PHTF2: variants seen among roughly 807,000 people sequenced by gnomAD.
The protein encoded by PHTF2 is protein PHTF2.
Under a neutral mutation model 101.2 loss-of-function variants are expected in PHTF2, and 60 were observed. The observed-to-expected ratio is 0.59, with a 90% CI of 0.48 to 0.73. PHTF2 has a LOEUF of 0.73. Ranked by LOEUF, PHTF2 falls within the 30% of genes least tolerant of loss-of-function variation. The pLI is 0.00. For missense variants in PHTF2, 747 were observed against 908.7 expected (o/e 0.82, Z 2.29); for synonymous variants, 311 against 307.3 (o/e 1.01, Z -0.13).
At chr7:77,890,530 G>A (rs2150786646) in intron 3 of PHTF2, among the ~76,000 whole-genome samples, 1 of 151,532 alleles carries the variant, frequency 6.6e-6, no homozygotes, top group East Asian at 1.9e-4. Flanking sequence ...AAAACATATT[G>A]GTGCCTATTC....
At chr7:77,908,447 CAAAG>C (rs1336669658) in intron 7 of PHTF2, among the ~76,000 whole-genome samples, 5 of 152,110 alleles carry the variant, frequency 3.3e-5, no homozygotes, top group East Asian at 3.8e-4. Flanking sequence ...ATTTGTAAAA[CAAAG>C]AAATAATGTA....
chr7:77,805,883 T>C (rs921152037), intron 1 of PHTF2, among the ~76,000 whole-genome samples: 2 of 152,178 alleles, frequency 1.3e-5, no homozygotes, highest in African/African-American at 4.8e-5. Flanking sequence ...AATTTATAAA[T>C]GTCAAACAAG....
chr7:77,954,790 TTATATGA>T, intron 19 of PHTF2, 61 bp from the exon 19 acceptor site: 1 of 830,922 alleles, frequency 1.2e-6, no homozygotes, highest in Non-Finnish European at 2.0e-6. Context: ...AAAAATGGTG[TTATATGA>T]TATAATTTAA....
At chr7:77,906,478 T>A (rs1402685449) in intron 7 of PHTF2, 1 of 152,154 alleles carries the variant, frequency 6.6e-6, no homozygotes, top group Non-Finnish European at 1.5e-5. Context: ...TTCTAATGCC[T>A]TGTCGTCAGA....
At chr7:77,953,725 A>G in intron 18 of PHTF2, 44 bp from the exon 18 acceptor site, 1 of 1,575,454 alleles carries the variant, frequency 6.3e-7, no homozygotes, top group Non-Finnish European at 8.6e-7. Context: ...TAGCTTAGTA[A>G]TTCTTTTTGA....
At chr7:77,829,060 T>C (rs2150545090) in intron 1 of PHTF2, among the ~76,000 whole-genome samples, 1 of 152,166 alleles carries the variant, frequency 6.6e-6, no homozygotes, top group Admixed American at 6.5e-5. Context: ...TGTCCACCTG[T>C]AGTCCCAGCT....
At chr7:77,893,582 T>G in intron 3 of PHTF2, 26 bp from the exon 3 acceptor site, 1 of 1,068,716 alleles carries the variant, frequency 9.4e-7, no homozygotes. Flanking sequence ...GCAATGACCA[T>G]TTAATGTAGT....
chr7:77,949,770 T>C, exon 17 of PHTF2: 1 of 1,547,026 alleles, frequency 6.5e-7, no homozygotes, highest in Non-Finnish European at 8.8e-7. Flanking sequence ...TCCTAAGATT[T>C]GTTACCCTTG....
chr7:77,932,363 C>G lies in PHTF2; in HGVS notation c.1338+3036C>G, dbSNP rs528701457. Among the ~76,000 whole-genome samples, 10 of 152,112 alleles carry G rather than the reference C, an allele frequency of 6.6e-5. No homozygotes were observed. In the South Asian group the frequency reaches 2.1e-3, roughly 32 times the overall value. ...CATTTGACAGGAAGAGGAAAACATC[C>G]TCTGCTGAGATAGGAGGATAAGGAT... On this transcript the variant is annotated intron_variant, in intron 12 of 19. Transcript: ENST00000416283.
chr7:77,945,414 A>G (rs988439568), intron 16 of PHTF2, among the ~76,000 whole-genome samples: 1 of 152,144 alleles, frequency 6.6e-6, no homozygotes, highest in Admixed American at 6.6e-5. Flanking sequence ...ATTTTTCTGA[A>G]TTGATGACTT....
intron 9 of PHTF2, among the ~76,000 whole-genome samples, chr7:77,917,887 G>T (rs1803082624): frequency 6.6e-6 from 1 of 152,056 alleles, no homozygotes; most frequent in African/African-American, 2.4e-5. Flanking sequence ...ACCTTCATAG[G>T]GTTCATGAGA....
At chr7:77,957,340 T>C (rs77578313) in exon 20 of PHTF2, 1 of 152,146 alleles carries the variant, frequency 6.6e-6, no homozygotes, top group Non-Finnish European at 1.5e-5. Flanking sequence ...TTTATAACTT[T>C]CCAACATTTT....
intron 1 of PHTF2, among the ~76,000 whole-genome samples, chr7:77,839,903 G>C (rs1795740903): frequency 6.6e-6 from 1 of 152,078 alleles, no homozygotes; most frequent in Non-Finnish European, 1.5e-5. Flanking sequence ...CTTGTATGTG[G>C]ATTTTTAGAT....
chr7:77,942,701 G>A (rs763497275), exon 16 of PHTF2: 11 of 1,578,628 alleles, frequency 7.0e-6, no homozygotes, highest in South Asian at 3.4e-5. Context: ...ACCCTGCAGC[G>A]TCGAGGTCCT....
chr7:77,847,656 C>T (rs986567584), intron 2 of PHTF2, among the ~76,000 whole-genome samples: 1 of 152,184 alleles, frequency 6.6e-6, no homozygotes, highest in Non-Finnish European at 1.5e-5. Flanking sequence ...AATCACATCA[C>T]TGTAAATGGA....
At chr7:77,864,338 C>T (rs1797883344) in intron 3 of PHTF2, among the ~76,000 whole-genome samples, 1 of 152,146 alleles carries the variant, frequency 6.6e-6, no homozygotes, top group South Asian at 2.1e-4. Context: ...TATTTTTTCT[C>T]ACATCCACCA....
At chr7:77,921,742 T>C (rs1390917967) in intron 10 of PHTF2, among the ~76,000 whole-genome samples, 1 of 152,220 alleles carries the variant, frequency 6.6e-6, no homozygotes, top group Non-Finnish European at 1.5e-5. Context: ...TAAAGTTGTA[T>C]GAGGAACATG....
At chr7:77,885,645 A>G (rs1356100569) in intron 3 of PHTF2, among the ~76,000 whole-genome samples, 1 of 152,000 alleles carries the variant, frequency 6.6e-6, no homozygotes, top group Non-Finnish European at 1.5e-5. Flanking sequence ...GGGTTTCACC[A>G]TGTTGGCCAG....
chr7:77,877,958 G>A (rs1799088890), intron 3 of PHTF2, among the ~76,000 whole-genome samples: 1 of 152,152 alleles, frequency 6.6e-6, no homozygotes, highest in Non-Finnish European at 1.5e-5. Context: ...AAGGGGATGT[G>A]CAGGATCAAA....
Sources: allele counts gnomAD v4.1 joint callset (sites outside exome capture counted in the v4.1 genomes callset), GRCh38; gene constraint gnomAD v4.1.1; transcripts MANE v1.5; gene names NCBI Gene and HGNC (gene_info 2026-07-23, HGNC 2026-07-21).